Variants in PDE12 observed in about 807,000 individuals in gnomAD.
PDE12 encodes phosphodiesterase 12.
In PDE12, 26 loss-of-function variants were observed where a neutral mutation model predicts 45.4. The ratio of observed to expected loss-of-function variants is 0.57; its 90% confidence interval spans 0.42 to 0.79. PDE12 has a LOEUF of 0.79. Among genes scored for constraint, PDE12 ranks in the 30% least tolerant of loss-of-function variants. The pLI is 0.00. For synonymous variants in PDE12, 283 were observed against 323.9 expected (o/e 0.87, Z 1.36); for missense variants, 668 against 790.0 (o/e 0.85, Z 1.85).
chr3:57,560,305 T>TTTTG lies in PDE12; in HGVS notation c.*313_*316dup, dbSNP rs141300932. 2 of 1,136,044 alleles carry TTTTG rather than the reference T, an allele frequency of 1.8e-6. No homozygotes were observed. The highest frequency in any genetic ancestry group is 4.5e-5 in the Admixed American group (1 of 22,358). The allele number at this position is 1,136,044 out of a possible 1,614,324, so 70.4% of individuals were successfully genotyped here. On this transcript the variant is annotated 3_prime_UTR_variant, in exon 3 of 3. Transcript: ENST00000311180. ...AAAAGGAAGATTGAATTAGCGTGTT[T>TTTTG]TTTGTTTGTTTGTTTTTGTTTTTGT...
chr3:57,651,324 C>T, the PDE12 span, among the ~76,000 whole-genome samples: 1 of 152,184 alleles, frequency 6.6e-6, no homozygotes, highest in Non-Finnish European at 1.5e-5. Flanking sequence ...ACATAACCCC[C>T]TTATAAGTCT....
the PDE12 span, among the ~76,000 whole-genome samples, chr3:57,615,061 C>T: frequency 4.0e-5 from 6 of 151,734 alleles, no homozygotes; most frequent in East Asian, 2.0e-4. Context: ...CACAGGCACC[C>T]GCCACTGCAC....
chr3:57,573,294 A>C, the PDE12 span, among the ~76,000 whole-genome samples: 1 of 152,142 alleles, frequency 6.6e-6, no homozygotes, highest in East Asian at 1.9e-4. Context: ...AGTCTCATGC[A>C]TTCCAAAACG....
chr3:57,607,794 C>A, the PDE12 span, among the ~76,000 whole-genome samples: 2 of 152,056 alleles, frequency 1.3e-5, no homozygotes, highest in Non-Finnish European at 2.9e-5. Context: ...TGGAATGGAG[C>A]CACGTTGGAA....
chr3:57,571,456 T>A (rs1197532616), downstream of PDE12: 1 of 152,616 alleles, frequency 6.6e-6, no homozygotes, highest in Non-Finnish European at 1.5e-5. Context: ...AAACTCTTAA[T>A]GAAGATATGT....
At chr3:57,647,151 G>A in the PDE12 span, among the ~76,000 whole-genome samples, 636 of 152,176 alleles carry the variant, frequency 4.2e-3, 2 homozygotes, top group Non-Finnish European at 6.1e-3. Context: ...AATCCACTCA[G>A]TTGAAAAGAC....
chr3:57,598,173 C>T, the PDE12 span: 4 of 150,932 alleles, frequency 2.7e-5, no homozygotes, highest in Admixed American at 2.6e-4. Flanking sequence ...TCGGGCCTGG[C>T]GCGGTGACTC....
the PDE12 span, among the ~76,000 whole-genome samples, chr3:57,609,699 C>T: frequency 6.6e-6 from 1 of 152,222 alleles, no homozygotes; most frequent in East Asian, 1.9e-4. Flanking sequence ...AGTCGAATCC[C>T]TGAATAGACC....
the PDE12 span, chr3:57,631,022 T>C: frequency 2.5e-6 from 4 of 1,581,336 alleles, no homozygotes; most frequent in African/African-American, 5.4e-5. Context: ...TCTTCAAAAA[T>C]ATTTAAACAG....
In PDE12 at chr3:57,556,278, G is replaced by C. The variant is rs2069656133; in HGVS notation, c.-102G>C. ...TCTCTTCGCTAGCCGGAAGTCGCGA[G>C]ATCTGAATGAGTCAAAGCCGGCGGC... On this transcript the variant is annotated 5_prime_UTR_variant, in exon 1 of 3. Coordinates refer to ENST00000311180, the MANE Select transcript of PDE12 (RefSeq NM_177966.7). The surrounding 1 kb of genome is among the most constrained non-coding windows in gnomAD (Gnocchi z 5.0). 2.4e-6 allele frequency: 3 copies of C among 1,249,090 alleles called. No homozygotes were observed. The highest frequency in any genetic ancestry group is 3.2e-6 in the Non-Finnish European group (3 of 926,856). 77.4% of individuals were successfully genotyped at this position (1,249,090 alleles called of 1,614,324 possible).
chr3:57,569,928 C>A (rs1384579340), downstream of PDE12, among the ~76,000 whole-genome samples: 1 of 151,690 alleles, frequency 6.6e-6, no homozygotes, highest in Non-Finnish European at 1.5e-5. Context: ...CCTTTACAGT[C>A]CATGTAAACA....
At chr3:57,627,737 G>C in the PDE12 span, 1 of 153,476 alleles carries the variant, frequency 6.5e-6, no homozygotes, top group Admixed American at 6.5e-5. Flanking sequence ...GAAACATGTA[G>C]GACAACAGAA....
At chr3:57,596,547 G>T in the PDE12 span, 1 of 152,836 alleles carries the variant, frequency 6.5e-6, no homozygotes. Flanking sequence ...AACCTTGGGT[G>T]CTCCCTGGCC....
chr3:57,633,716 C>G, the PDE12 span, among the ~76,000 whole-genome samples: 1 of 152,036 alleles, frequency 6.6e-6, no homozygotes, highest in Non-Finnish European at 1.5e-5. Context: ...TGGTGAAACC[C>G]CGTCTCTACT....
At chr3:57,628,101 C>G in the PDE12 span, 1 of 1,459,636 alleles carries the variant, frequency 6.9e-7, no homozygotes, top group Non-Finnish European at 9.2e-7. Context: ...AACTAGCATT[C>G]ATGGCAATTT....
chr3:57,574,713 A>G, the PDE12 span, among the ~76,000 whole-genome samples: 1 of 152,088 alleles, frequency 6.6e-6, no homozygotes, highest in African/African-American at 2.4e-5. Flanking sequence ...GGTCTCCTCC[A>G]TAAACTGTTA....
chr3:57,651,446 T>C, the PDE12 span, among the ~76,000 whole-genome samples: 1 of 152,134 alleles, frequency 6.6e-6, no homozygotes, highest in African/African-American at 2.4e-5. Flanking sequence ...TAGTTAAATG[T>C]AATGTCCAAA....
chr3:57,643,492 A>G, the PDE12 span, among the ~76,000 whole-genome samples: 3 of 152,128 alleles, frequency 2.0e-5, no homozygotes, highest in South Asian at 6.2e-4. Context: ...TATTTCAGTC[A>G]TTAACATGGG....
chr3:57,565,658 T>G lies in PDE12; in HGVS notation c.*5654T>G, dbSNP rs2153407839. ...CTCTACTAAAAATACAAAAATTAGC[T>G]GGGCATGGTGGCGCGCGCCTGTAGT... On this transcript the variant is annotated 3_prime_UTR_variant, in exon 3 of 3. Transcript: ENST00000311180. 6.6e-6 allele frequency: 1 copy of G among 152,058 alleles called. No homozygotes were observed. Among genetic ancestry groups the G allele is most frequent in the South Asian group, 2.1e-4 (1 of 4,814 alleles). The allele number at this position is 152,058 out of a possible 1,614,324, so 9.4% of individuals were successfully genotyped here. A position where few individuals can be genotyped will look rare whatever the true frequency, so the allele number is the denominator to read the frequency against.
Sources: allele counts gnomAD v4.1 joint callset (sites outside exome capture counted in the v4.1 genomes callset), GRCh38; gene constraint gnomAD v4.1.1; non-coding constraint Gnocchi (gnomAD v3.1); transcripts MANE v1.5; gene names NCBI Gene and HGNC (gene_info 2026-07-23, HGNC 2026-07-21).